BCL11A: variants seen among roughly 807,000 people sequenced by gnomAD.
BCL11A encodes the protein B cell CLL/lymphoma 11A.
BCL11A carries 2 observed loss-of-function variants against 55.9 expected under a neutral mutation model. The ratio of observed to expected loss-of-function variants is 0.04; its 90% CI spans 0.01 to 0.11. The LOEUF (loss-of-function observed/expected upper bound fraction) is 0.11, where lower values mean the gene tolerates loss of function less well. Ranked by LOEUF, BCL11A falls within the 10% of genes least tolerant of loss-of-function variation. The pLI is 1.00. For missense variants in BCL11A, 817 were observed against 1,137.1 expected (o/e 0.72, Z 4.05); for synonymous variants, 465 against 473.4 (o/e 0.98, Z 0.23).
chr2:60,498,837 T>C (rs1300301150), intron 2 of BCL11A, among the ~76,000 whole-genome samples: 4 of 152,258 alleles, frequency 2.6e-5, no homozygotes, highest in African/African-American at 9.6e-5. Flanking sequence ...TGTACTAATA[T>C]GTATGTACCT....
chr2:60,460,235 A>G lies in BCL11A; in HGVS notation c.*169T>C. The G allele has an allele frequency of 7.4e-7, 1 of 1,342,564 alleles. No homozygotes were observed. 83.2% of individuals were successfully genotyped at this position (1,342,564 alleles called of 1,614,324 possible). On this transcript the variant is annotated 3_prime_UTR_variant, in exon 4 of 4. Transcript: ENST00000642384. The stretch of plus-strand genomic sequence containing the variant: ...AAAAAAAACAGGTGTGCTGGTGACA[A>G]GCACTCTCATATTCTTAGCTTCGTT...
At chr2:60,468,032 GTGATGGTGGTGATGGTAC>G (rs2103973180) in intron 3 of BCL11A, among the ~76,000 whole-genome samples, 1 of 145,990 alleles carries the variant, frequency 6.8e-6, no homozygotes, top group Non-Finnish European at 1.5e-5. Context: ...GGTAGTGGTG[GTGATGGTGGTGATGGTAC>G]TGGTGGTGAT....
chr2:60,480,300 C>T (rs1233679873), intron 2 of BCL11A, among the ~76,000 whole-genome samples: 1 of 152,236 alleles, frequency 6.6e-6, no homozygotes, highest in Non-Finnish European at 1.5e-5. Context: ...CATGTATCTA[C>T]CACTGGTTCT....
chr2:60,451,208 A>C (rs1056139607), exon 5 of BCL11A: 1 of 212,914 alleles, frequency 4.7e-6, no homozygotes, highest in African/African-American at 2.3e-5. Context: ...GAAATAATTC[A>C]CATGCCAATT....
chr2:60,468,700 G>A (rs577134799), intron 3 of BCL11A, 32 bp downstream of exon 3: 1 of 1,501,366 alleles, frequency 6.7e-7, no homozygotes, highest in African/African-American at 1.4e-5. Flanking sequence ...TATACACATG[G>A]ACATTTGTAG....
chr2:60,491,570 G>A (rs1398913683), intron 2 of BCL11A, among the ~76,000 whole-genome samples: 2 of 151,960 alleles, frequency 1.3e-5, no homozygotes, highest in Admixed American at 1.3e-4. Flanking sequence ...TACTCGGGAG[G>A]CTGAGGCAGG....
chr2:60,499,605 T>C (rs1350187696), intron 2 of BCL11A: 1 of 152,264 alleles, frequency 6.6e-6, no homozygotes, highest in Non-Finnish European at 1.5e-5. Context: ...GGGCCAGGGC[T>C]AGCAAAAAGA....
At chr2:60,457,158 G>A (rs1386763727), downstream of BCL11A, 3 of 750,108 alleles carry the variant, frequency 4.0e-6, no homozygotes, top group African/African-American at 1.9e-5. Flanking sequence ...GTAATTTACA[G>A]AGTGTGTCAA....
At chr2:60,540,946 T>TTGTGTGTGTGTGTGTGTGTGTGTGTGTG (rs368895286) in intron 2 of BCL11A, among the ~76,000 whole-genome samples, 1 of 140,216 alleles carries the variant, frequency 7.1e-6, no homozygotes, top group African/African-American at 2.7e-5. Context: ...AGCACTGGTT[T>TTGTGTGTGTGTGTGTGTGTGTGTGTGTG]TGTGTGTGTG....
intron 2 of BCL11A, chr2:60,536,745 C>T (rs1236785346): frequency 6.6e-6 from 1 of 152,172 alleles, no homozygotes; most frequent in Non-Finnish European, 1.5e-5. Context: ...ATATAGGAAG[C>T]CTTGAGATAT....
At position 60,553,367 on chromosome 2, in the gene BCL11A, C is replaced by A; in HGVS notation, c.-97G>T. The A allele has an allele frequency of 7.7e-7, 1 of 1,295,804 alleles. No homozygotes were observed. The highest frequency in any genetic ancestry group is 1.1e-6 in the Non-Finnish European group (1 of 938,440). 80.3% of individuals were successfully genotyped at this position (1,295,804 alleles called of 1,614,324 possible). ...GAGAGCCGGGTTAGAAAGAAGGAGA[C>A]TCCAGAGAAAATATCTTCATCAGTG... On this transcript the variant is annotated 5_prime_UTR_variant, in exon 1 of 4. Coordinates refer to ENST00000642384, the MANE Select transcript of BCL11A (RefSeq NM_022893.4).
rs557804019 is a variant in BCL11A, at chr2:60,467,119, G to A, written c.487+1613C>T. Among the ~76,000 whole-genome samples the A allele has an allele frequency of 1.3e-3, 193 of 144,128 alleles. 1 individual carries two copies. The highest frequency in any genetic ancestry group is 2.0e-3 in the Admixed American group (28 of 14,276). The allele number at this position is 144,128 out of a possible 152,430, so 94.6% of individuals were successfully genotyped here. ...TGATGATGGTGGTGGTAGTGGTGGT[G>A]GTGGTGGTGATGGTGGTGTTGGTGG... On this transcript the variant is annotated intron_variant, in intron 3 of 3. Coordinates refer to ENST00000642384, the MANE Select transcript of BCL11A (RefSeq NM_022893.4).
intron 2 of BCL11A, among the ~76,000 whole-genome samples, chr2:60,480,492 G>T (rs1455065473): frequency 6.6e-6 from 1 of 152,146 alleles, no homozygotes; most frequent in Non-Finnish European, 1.5e-5. Flanking sequence ...CCAGGCCATG[G>T]AGCCAGCAGT....
chr2:60,553,225 C>T lies in BCL11A; in HGVS notation c.46G>A (p.Glu16Lys). Residue 16 changes from glutamate (E) to lysine (K), a missense_variant, in exon 1 of 4, where the codon GAA becomes AAA. Physicochemically the swap from Glu to Lys is moderately conservative, Grantham distance 56. Around this residue, in one of 4 missense-constraint regions of BCL11A, gnomAD observed 363 missense variants for 486.6 expected, o/e 0.75. Coordinates refer to ENST00000642384, the MANE Select transcript of BCL11A (RefSeq NM_022893.4). ...QGKPQHLSKR[E>K]FSPEPLEAIL... ...TTATTGGGTTACTTACGCGAGAATT[C>T]CCGTTTGCTTAAGTGCTGGGGTTTG... is the stretch of plus-strand genomic sequence containing the variant. 1 of 1,601,948 alleles carries T rather than the reference C, an allele frequency of 6.2e-7. No homozygotes were observed. The highest frequency in any genetic ancestry group is 8.5e-7 in the Non-Finnish European group (1 of 1,176,160).
chr2:60,486,878 G>GC (rs758850225), intron 2 of BCL11A, among the ~76,000 whole-genome samples: 7 of 152,200 alleles, frequency 4.6e-5, no homozygotes, highest in Non-Finnish European at 1.0e-4. Context: ...CCATGGCTCA[G>GC]CCCACGCCCT....
chr2:60,520,942 G>T (rs1668952331), intron 2 of BCL11A, among the ~76,000 whole-genome samples: 1 of 152,128 alleles, frequency 6.6e-6, no homozygotes, highest in Non-Finnish European at 1.5e-5. Context: ...AATTATTCCA[G>T]CTCTGTACAC....
chr2:60,518,244 C>A (rs2104535021), intron 2 of BCL11A, among the ~76,000 whole-genome samples: 2 of 152,284 alleles, frequency 1.3e-5, no homozygotes, highest in East Asian at 3.9e-4. Context: ...ATCATCTTGT[C>A]TCATTCCCTC....
chr2:60,485,615 G>A (rs922566303), intron 2 of BCL11A, among the ~76,000 whole-genome samples: 6 of 152,184 alleles, frequency 3.9e-5, no homozygotes, highest in African/African-American at 9.7e-5. Flanking sequence ...CCAACGTCAC[G>A]AAGCTGCTGA....
Position 60,461,279 on chromosome 2 carries a change from C to T in BCL11A, c.1633G>A (p.Asp545Asn). 2 of 1,537,308 alleles carry T rather than the reference C, an allele frequency of 1.3e-6. No individual in the cohort carries two copies. The highest frequency in any genetic ancestry group is 1.1e-5 in the South Asian group (1 of 89,864). The part of the protein sequence containing the change: ...GVGDESRALP[D>N]VMQGMVLSSM... ...CTGAGCACCATGCCCTGCATGACGT[C>T]GGGCAGGGCGCGGCTCTCGTCGCCC... The change falls in exon 4 of 4, where the codon GAC (aspartate) becomes AAC (asparagine). Residue 545 changes from aspartate (D) to asparagine (N), a missense_variant. This residue lies in a region of BCL11A where 379 missense variants were observed against 425.3 expected (regional missense o/e 0.89). Coordinates refer to ENST00000642384, the MANE Select transcript of BCL11A (RefSeq NM_022893.4).
Sources: gnomAD v4.1 joint callset for allele counts (sites outside exome capture counted in the v4.1 genomes callset) on GRCh38, gnomAD v4.1.1 for gene constraint, gnomAD v4.1.1 regional missense constraint, MANE v1.5 for transcripts, NCBI Gene and HGNC (gene_info 2026-07-23, HGNC 2026-07-21) for gene names.